NOS1AP: variants seen among roughly 807,000 people sequenced by gnomAD.
NOS1AP encodes the protein nitric oxide synthase 1 adaptor protein.
NOS1AP carries 21 observed loss-of-function variants against 56.2 expected under a neutral mutation model. The ratio of observed to expected loss-of-function variants is 0.37; its 90% confidence interval spans 0.26 to 0.54. The LOEUF (loss-of-function observed/expected upper bound fraction) is 0.54. Among genes scored for constraint, NOS1AP ranks in the 20% least tolerant of loss-of-function variants. The pLI is 0.84. For synonymous variants in NOS1AP, 270 were observed against 274.6 expected (o/e 0.98, Z 0.17); for missense variants, 522 against 657.8 (o/e 0.79, Z 2.26).
intron 3 of NOS1AP, among the ~76,000 whole-genome samples, chr1:162,298,395 C>G (rs961312226): frequency 6.6e-6 from 1 of 152,192 alleles, no homozygotes; most frequent in Admixed American, 6.5e-5. Flanking sequence ...TGTGGGAACT[C>G]CAAGGCACTC....
intron 4 of NOS1AP, among the ~76,000 whole-genome samples, chr1:162,327,907 CAT>C (rs1291124428): frequency 1.3e-5 from 2 of 152,196 alleles, no homozygotes; most frequent in African/African-American, 4.8e-5. Flanking sequence ...AGCAACTTAA[CAT>C]GTGTTGGGCA....
intron 6 of NOS1AP, among the ~76,000 whole-genome samples, chr1:162,351,857 T>C (rs1657508321): frequency 6.6e-6 from 1 of 152,172 alleles, no homozygotes; most frequent in African/African-American, 2.4e-5. Context: ...TGATATCTTT[T>C]CAACCTCCAG....
intron 4 of NOS1AP, among the ~76,000 whole-genome samples, chr1:162,307,219 C>G (rs1030358872): frequency 4.6e-5 from 7 of 152,190 alleles, no homozygotes; most frequent in African/African-American, 1.7e-4. Flanking sequence ...CCTGCCTTAG[C>G]ATCCCTTGTC....
At chr1:162,361,857 G>A (rs547619353) in intron 8 of NOS1AP, among the ~76,000 whole-genome samples, 1 of 152,256 alleles carries the variant, frequency 6.6e-6, no homozygotes, top group Admixed American at 6.5e-5. Flanking sequence ...CTGTAAGAGG[G>A]GACTTTTCCT....
intron 1 of NOS1AP, among the ~76,000 whole-genome samples, chr1:162,124,240 T>TTGTA (rs1351065917): frequency 6.6e-6 from 1 of 152,122 alleles, no homozygotes; most frequent in African/African-American, 2.4e-5. Flanking sequence ...GTAGTGTACA[T>TTGTA]CGTACTCACT....
At chr1:162,142,337 G>A (rs1037835807) in intron 1 of NOS1AP, among the ~76,000 whole-genome samples, 4 of 152,128 alleles carry the variant, frequency 2.6e-5, no homozygotes, top group African/African-American at 9.7e-5. Flanking sequence ...CCATTAAATA[G>A]GACGTGGGTT....
At chr1:162,217,367 G>A (rs528288276) in intron 2 of NOS1AP, among the ~76,000 whole-genome samples, 14 of 145,478 alleles carry the variant, frequency 9.6e-5, no homozygotes, top group African/African-American at 3.3e-4. Context: ...GGGTTCAAGC[G>A]ATTCTCCTGT....
chr1:162,106,769 G>A (rs139292846), intron 1 of NOS1AP, among the ~76,000 whole-genome samples: 8 of 152,244 alleles, frequency 5.3e-5, no homozygotes, highest in African/African-American at 1.2e-4. Context: ...AAATCGATAC[G>A]TACATTGTTA....
intron 2 of NOS1AP, among the ~76,000 whole-genome samples, chr1:162,165,510 A>G (rs1650448049): frequency 6.6e-6 from 1 of 152,162 alleles, no homozygotes; most frequent in African/African-American, 2.4e-5. Context: ...CATTGTCCAG[A>G]TGAGGAAACT....
chr1:162,356,629 G>A (rs922518601), intron 7 of NOS1AP, among the ~76,000 whole-genome samples: 3 of 152,196 alleles, frequency 2.0e-5, no homozygotes, highest in Non-Finnish European at 4.4e-5. Flanking sequence ...ATTCTTCTAA[G>A]TCTAGAACCT....
intron 1 of NOS1AP, among the ~76,000 whole-genome samples, chr1:162,072,206 G>T (rs1236056223): frequency 6.6e-6 from 1 of 152,102 alleles, no homozygotes; most frequent in African/African-American, 2.4e-5. Context: ...TCAGGTGAGG[G>T]GGTTAACAAG....
intron 2 of NOS1AP, among the ~76,000 whole-genome samples, chr1:162,281,644 G>A (rs1390311592): frequency 2.6e-5 from 4 of 152,170 alleles, no homozygotes; most frequent in Admixed American, 6.5e-5. Flanking sequence ...ATAGGGAATA[G>A]CAAATGCAAT....
At chr1:162,195,753 C>T (rs1042920938) in intron 2 of NOS1AP, among the ~76,000 whole-genome samples, 11 of 152,176 alleles carry the variant, frequency 7.2e-5, no homozygotes, top group African/African-American at 1.9e-4. Context: ...TCTTCTATGA[C>T]GCATACCCTA....
At chr1:162,358,931 A>G (rs1019746160) in intron 8 of NOS1AP, among the ~76,000 whole-genome samples, 1 of 152,226 alleles carries the variant, frequency 6.6e-6, no homozygotes, top group African/African-American at 2.4e-5. Context: ...GGAAGGAAGC[A>G]TTCAATCTCC....
rs146496289 is a variant in NOS1AP at position 162,343,957 on chromosome 1, C to T, written c.576C>T (p.Ser192=). The change falls in exon 6 of 10, where the codon AGC becomes AGT. Residue 192 remains serine, a synonymous_variant. Coordinates refer to ENST00000361897, the MANE Select transcript of NOS1AP (RefSeq NM_014697.3). ...AAGATGGAGAGAGCGAGAGGAACAG[C>T]AACAGCTCAGGAGACCCAGGTAGGC... ...GQEDGESERN[S]NSSGDPGRQL... The T allele has an allele frequency of 4.1e-5, 66 of 1,614,158 alleles. No homozygotes were observed. In the African/African-American group the frequency reaches 7.9e-4, roughly 19 times the overall value.
chr1:162,304,776 A>G (rs1256073497), intron 4 of NOS1AP, among the ~76,000 whole-genome samples: 1 of 122,742 alleles, frequency 8.1e-6, no homozygotes, highest in African/African-American at 3.0e-5. Flanking sequence ...GTGAATTTTT[A>G]TATCTGTGTG....
At chr1:162,296,803 A>C (rs1277190550) in intron 3 of NOS1AP, among the ~76,000 whole-genome samples, 1 of 152,218 alleles carries the variant, frequency 6.6e-6, no homozygotes, top group Non-Finnish European at 1.5e-5. Flanking sequence ...GGCGCATCGC[A>C]AGCCTTGGAA....
chr1:162,113,889 C>A (rs749551018), intron 1 of NOS1AP, among the ~76,000 whole-genome samples: 1 of 151,874 alleles, frequency 6.6e-6, no homozygotes, highest in Non-Finnish European at 1.5e-5. Context: ...TCTAGTTGCT[C>A]TTGAGCACCC....
chr1:162,229,375 T>A (rs1291532766), intron 2 of NOS1AP, among the ~76,000 whole-genome samples: 2 of 152,140 alleles, frequency 1.3e-5, no homozygotes, highest in Non-Finnish European at 2.9e-5. Flanking sequence ...TGCAAAAACT[T>A]CTTTTTGTTT....
Sources: allele counts gnomAD v4.1 joint callset (sites outside exome capture counted in the v4.1 genomes callset), GRCh38; gene constraint gnomAD v4.1.1; transcripts MANE v1.5; gene names NCBI Gene and HGNC (gene_info 2026-07-23, HGNC 2026-07-21).